The following NALF1 variants were observed in gnomAD, a reference collection of about 807,000 sequenced individuals.
The protein encoded by NALF1 is NALCN channel auxiliary factor 1.
A neutral mutation model predicts 48.4 loss-of-function variants in NALF1; 3 were observed. The observed-to-expected ratio is 0.06, with a 90% CI of 0.03 to 0.16. The LOEUF (loss-of-function observed/expected upper bound fraction) is 0.16, where lower values mean the gene tolerates loss of function less well. Ranked by LOEUF, NALF1 falls within the 10% of genes least tolerant of loss-of-function variation. NALF1 has a pLI of 1.00. For missense variants in NALF1, 526 were observed against 571.5 expected (o/e 0.92, Z 0.81); for synonymous variants, 262 against 245.7 (o/e 1.07, Z -0.62).
intron 1 of NALF1, among the ~76,000 whole-genome samples, chr13:107,545,058 C>A (rs1877100823): frequency 6.6e-6 from 1 of 152,198 alleles, no homozygotes; most frequent in African/African-American, 2.4e-5. Context: ...ATGCCGACGT[C>A]CTAACCCTTA....
At chr13:107,212,814 AATAACATTCCATTATG>A (rs1160328681) in intron 1 of NALF1, among the ~76,000 whole-genome samples, 5 of 152,178 alleles carry the variant, frequency 3.3e-5, no homozygotes, top group Admixed American at 1.3e-4. Context: ...CAGTTCAAAA[AATAACATTCCATTATG>A]AGGACAGCTT....
chr13:107,700,041 A>G (rs1188913276), intron 1 of NALF1, among the ~76,000 whole-genome samples: 1 of 152,094 alleles, frequency 6.6e-6, no homozygotes, highest in Non-Finnish European at 1.5e-5. Flanking sequence ...ATGTTCATGG[A>G]TCAAAAGAAT....
intron 1 of NALF1, among the ~76,000 whole-genome samples, chr13:107,578,658 A>G (rs1423132443): frequency 6.6e-6 from 1 of 152,212 alleles, no homozygotes; most frequent in African/African-American, 2.4e-5. Flanking sequence ...TCATTGTGAT[A>G]TGAATCTTAT....
intron 1 of NALF1, among the ~76,000 whole-genome samples, chr13:107,550,842 G>A (rs1477317008): frequency 6.6e-6 from 1 of 151,566 alleles, no homozygotes; most frequent in African/African-American, 2.4e-5. Context: ...CAAATATTCT[G>A]ATCTGGAATT....
intron 1 of NALF1, among the ~76,000 whole-genome samples, chr13:107,807,966 T>G (rs1228985347): frequency 6.6e-6 from 1 of 152,080 alleles, no homozygotes; most frequent in Non-Finnish European, 1.5e-5. Context: ...ATTATATTTA[T>G]TTGGAAATAG....
At chr13:107,443,453 G>C (rs1009913274) in intron 1 of NALF1, among the ~76,000 whole-genome samples, 8 of 152,146 alleles carry the variant, frequency 5.3e-5, no homozygotes, top group Admixed American at 3.3e-4. Context: ...ATGACCTCAA[G>C]TGATCCACCC....
At chr13:107,804,914 A>C (rs1878728713) in intron 1 of NALF1, among the ~76,000 whole-genome samples, 1 of 152,174 alleles carries the variant, frequency 6.6e-6, no homozygotes, top group Non-Finnish European at 1.5e-5. Context: ...TAAGCAGATA[A>C]ACTGTGCCTT....
intron 1 of NALF1, among the ~76,000 whole-genome samples, chr13:107,603,723 G>A (rs1230357635): frequency 1.3e-5 from 2 of 152,148 alleles, no homozygotes; most frequent in African/African-American, 4.8e-5. Flanking sequence ...AGTGAACCAT[G>A]GTATCTGTGT....
chr13:107,845,427 T>G (rs1880145543), intron 1 of NALF1, among the ~76,000 whole-genome samples: 1 of 152,152 alleles, frequency 6.6e-6, no homozygotes, highest in Non-Finnish European at 1.5e-5. Flanking sequence ...GGCAGGGTAA[T>G]GGTGAACCTC....
At chr13:107,534,410 G>A (rs1419310242) in intron 1 of NALF1, among the ~76,000 whole-genome samples, 2 of 152,066 alleles carry the variant, frequency 1.3e-5, no homozygotes, top group Non-Finnish European at 2.9e-5. Context: ...GAGAGATGGG[G>A]AAAAGAGGAG....
chr13:107,688,488 T>C (rs1342514025), intron 1 of NALF1, among the ~76,000 whole-genome samples: 2 of 152,176 alleles, frequency 1.3e-5, no homozygotes, highest in Admixed American at 6.5e-5. Context: ...GAAAAATATA[T>C]AACTATGTTT....
At chr13:107,202,861 C>A (rs1201503618) in intron 2 of NALF1, among the ~76,000 whole-genome samples, 1 of 152,134 alleles carries the variant, frequency 6.6e-6, no homozygotes, top group Non-Finnish European at 1.5e-5. Flanking sequence ...CTGGTCGTTT[C>A]CTGTTCCACT....
chr13:107,520,729 C>T (rs1212202370), intron 1 of NALF1, among the ~76,000 whole-genome samples: 2 of 152,152 alleles, frequency 1.3e-5, no homozygotes, highest in Non-Finnish European at 2.9e-5. Flanking sequence ...ACTGCCTGCC[C>T]GTGCATCATA....
intron 1 of NALF1, among the ~76,000 whole-genome samples, chr13:107,468,968 T>C (rs1885052413): frequency 6.6e-6 from 1 of 152,198 alleles, no homozygotes; most frequent in African/African-American, 2.4e-5. Flanking sequence ...TTGGTATGTC[T>C]TGCTGAATTT....
chr13:107,757,530 T>C (rs1034214385), intron 1 of NALF1, among the ~76,000 whole-genome samples: 2 of 151,514 alleles, frequency 1.3e-5, no homozygotes, highest in Non-Finnish European at 2.9e-5. Flanking sequence ...AACAGTTTGA[T>C]AGACAGTAAG....
intron 1 of NALF1, among the ~76,000 whole-genome samples, chr13:107,338,189 TCTTA>T (rs1366661020): frequency 6.6e-6 from 1 of 152,212 alleles, no homozygotes; most frequent in Non-Finnish European, 1.5e-5. Flanking sequence ...AAATTTGAGC[TCTTA>T]CTATGTGCTA....
At chr13:107,734,530 C>T (rs908902503) in intron 1 of NALF1, among the ~76,000 whole-genome samples, 1 of 151,842 alleles carries the variant, frequency 6.6e-6, no homozygotes, top group Admixed American at 6.6e-5. Context: ...ATAAGTCCTC[C>T]TAAGAGTTAT....
At chr13:107,247,478 G>A (rs536750843) in intron 1 of NALF1, among the ~76,000 whole-genome samples, 37 of 152,300 alleles carry the variant, frequency 2.4e-4, no homozygotes, top group African/African-American at 7.9e-4. Flanking sequence ...TAGTCATTCT[G>A]TAGAAATTCT....
chr13:107,560,721 C>G (rs1006127024), intron 1 of NALF1, among the ~76,000 whole-genome samples: 3 of 152,098 alleles, frequency 2.0e-5, no homozygotes, highest in Admixed American at 6.5e-5. Flanking sequence ...TATGCTCCCC[C>G]ACTGGTCTAC....
Sources: allele counts gnomAD v4.1 joint callset (sites outside exome capture counted in the v4.1 genomes callset), GRCh38; gene constraint gnomAD v4.1.1; transcripts MANE v1.5; gene names NCBI Gene and HGNC (gene_info 2026-07-23, HGNC 2026-07-21).